The following FGF12 variants were observed in gnomAD, a reference collection of about 807,000 sequenced individuals.
FGF12 encodes the protein fibroblast growth factor 12.
A neutral mutation model predicts 23.6 loss-of-function variants in FGF12; 14 were observed. That is an observed-to-expected ratio of 0.59 (90% CI 0.39 to 0.93). The LOEUF (loss-of-function observed/expected upper bound fraction) is 0.93. Ranked by LOEUF, FGF12 falls within the 40% of genes least tolerant of loss-of-function variation. The pLI is 0.00. For missense variants in FGF12, 175 were observed against 217.8 expected, an observed-to-expected ratio of 0.80 and a Z score of 1.24; for synonymous variants, 62 against 77.3, an observed-to-expected ratio of 0.80 and a Z score of 1.04.
intron 3 of FGF12, among the ~76,000 whole-genome samples, chr3:192,352,695 G>A (rs747980847): frequency 6.6e-6 from 1 of 152,242 alleles, no homozygotes. Context: ...TGTGTTCTAG[G>A]TACTTTTAAG....
At chr3:192,191,012 A>G (rs573570834) in intron 4 of FGF12, among the ~76,000 whole-genome samples, 27 of 152,360 alleles carry the variant, frequency 1.8e-4, no homozygotes, top group African/African-American at 6.0e-4. Context: ...TGAGCCTAAA[A>G]GAAAACAATA....
chr3:192,250,653 T>C (rs1362429586), intron 4 of FGF12, among the ~76,000 whole-genome samples: 1 of 152,088 alleles, frequency 6.6e-6, no homozygotes, highest in Non-Finnish European at 1.5e-5. Context: ...TTTAAAGAAT[T>C]TATCAAACAA....
chr3:192,201,943 G>T (rs1717389011), intron 4 of FGF12, among the ~76,000 whole-genome samples: 1 of 152,054 alleles, frequency 6.6e-6, no homozygotes, highest in Admixed American at 6.6e-5. Context: ...TCTACTAATA[G>T]TTATTAACAA....
chr3:192,644,390 G>A (rs1217943165), intron 2 of FGF12, among the ~76,000 whole-genome samples: 1 of 151,958 alleles, frequency 6.6e-6, no homozygotes, highest in Non-Finnish European at 1.5e-5. Flanking sequence ...TAAAACCCCT[G>A]TTGTCGTATA....
chr3:192,684,708 T>C (rs773830218), intron 2 of FGF12, among the ~76,000 whole-genome samples: 1 of 152,218 alleles, frequency 6.6e-6, no homozygotes. Flanking sequence ...TTCTATAAAG[T>C]GTTATGTTTA....
At chr3:192,167,028 T>C (rs1715198609) in intron 5 of FGF12, among the ~76,000 whole-genome samples, 1 of 151,966 alleles carries the variant, frequency 6.6e-6, no homozygotes, top group African/African-American at 2.4e-5. Context: ...TACCAAAAGA[T>C]GTCAATCAGA....
chr3:192,664,617 A>AAAAAAAAAAAC (rs1716793925), intron 2 of FGF12, among the ~76,000 whole-genome samples: 1 of 148,576 alleles, frequency 6.7e-6, no homozygotes, highest in Non-Finnish European at 1.5e-5. Context: ...AAAAAAAAAA[A>AAAAAAAAAAAC]AAGCTGGGCA....
chr3:192,261,674 T>G (rs1030036607), intron 4 of FGF12, among the ~76,000 whole-genome samples: 1 of 152,190 alleles, frequency 6.6e-6, no homozygotes, highest in Non-Finnish European at 1.5e-5. Context: ...AAGGAAATCT[T>G]TTTTGCTTAC....
intron 2 of FGF12, among the ~76,000 whole-genome samples, chr3:192,537,155 A>C (rs1294824918): frequency 2.0e-5 from 3 of 152,188 alleles, no homozygotes; most frequent in Non-Finnish European, 4.4e-5. Context: ...ATGGGTGAAT[A>C]GTACACCATT....
rs1174579886 is a variant in FGF12, at chr3:192,378,044, T to TTCTCTCTCTCTCTC, written c.14-17507_14-17506insGAGAGAGAGAGAGA. On this transcript the variant is annotated intron_variant, in intron 2 of 5. Coordinates refer to ENST00000445105, the MANE Select transcript of FGF12 (RefSeq NM_004113.6). ...CTCTTTCTTTTCTTTCTTTCTTTCT[T>TTCTCTCTCTCTCTC]TCTTTCTTTCTTTCTTTCTTTCTTT... 5.3e-4 allele frequency among the ~76,000 whole-genome samples: 50 copies of TTCTCTCTCTCTCTC among 94,902 alleles called. 3 individuals carry two copies. The highest frequency in any genetic ancestry group is 2.9e-3 in the African/African-American group (49 of 17,084). The allele number at this position is 94,902 out of a possible 152,430, so 62.3% of individuals were successfully genotyped here. A position where few individuals can be genotyped will look rare whatever the true frequency, so the allele number is the denominator to read the frequency against.
intron 2 of FGF12, among the ~76,000 whole-genome samples, chr3:192,678,478 G>T (rs1215992925): frequency 6.6e-6 from 1 of 152,126 alleles, no homozygotes; most frequent in Non-Finnish European, 1.5e-5. Context: ...AATGACTGTT[G>T]TTGAAAGACT....
intron 3 of FGF12, among the ~76,000 whole-genome samples, chr3:192,355,398 T>C (rs192697662): frequency 6.6e-6 from 1 of 152,348 alleles, no homozygotes; most frequent in East Asian, 1.9e-4. Context: ...ATTGTACATG[T>C]TGATAAGTGC....
intron 2 of FGF12, among the ~76,000 whole-genome samples, chr3:192,523,198 TCTTGATGC>T (rs1350843210): frequency 1.3e-5 from 2 of 152,150 alleles, no homozygotes; most frequent in Non-Finnish European, 2.9e-5. Flanking sequence ...CAGGATATAG[TCTTGATGC>T]CTTGAGAATC....
intron 4 of FGF12, among the ~76,000 whole-genome samples, chr3:192,191,947 C>T (rs192564130): frequency 2.8e-4 from 42 of 152,088 alleles, no homozygotes; most frequent in African/African-American, 9.4e-4. Context: ...AAGAGAATTA[C>T]ACTGAATAAT....
chr3:192,195,582 G>A (rs78217200), intron 4 of FGF12, among the ~76,000 whole-genome samples: 2,372 of 152,260 alleles, frequency 0.016, 47 homozygotes, highest in African/African-American at 0.042. Context: ...AAGCTATACC[G>A]TCTAGTTTTC....
chr3:192,502,681 A>T (rs7650642), intron 2 of FGF12, among the ~76,000 whole-genome samples: 110,243 of 152,122 alleles, frequency 0.72, 41,467 homozygotes, highest in Non-Finnish European at 0.83. Flanking sequence ...GTTTCTCCTA[A>T]AAGACAGAGA....
At chr3:192,171,516 T>C (rs1293502396) in intron 4 of FGF12, among the ~76,000 whole-genome samples, 1 of 152,232 alleles carries the variant, frequency 6.6e-6, no homozygotes, top group Non-Finnish European at 1.5e-5. Flanking sequence ...TAGTGACTTA[T>C]AATGAGATTT....
intron 2 of FGF12, among the ~76,000 whole-genome samples, chr3:192,428,218 G>A (rs536647833): frequency 6.6e-6 from 1 of 152,264 alleles, no homozygotes; most frequent in Middle Eastern, 3.4e-3. Context: ...ATTGATTTGT[G>A]TCTCAATTGT....
chr3:192,295,695 C>A (rs1461696040), intron 4 of FGF12, among the ~76,000 whole-genome samples: 1 of 152,008 alleles, frequency 6.6e-6, no homozygotes, highest in East Asian at 1.9e-4. Flanking sequence ...AAAGGTAAAT[C>A]TAGATTTTCT....
Sources: gnomAD v4.1 joint callset for allele counts (sites outside exome capture counted in the v4.1 genomes callset) on GRCh38, gnomAD v4.1.1 for gene constraint, MANE v1.5 for transcripts, NCBI Gene and HGNC (gene_info 2026-07-23, HGNC 2026-07-21) for gene names.